ZNF462: variants seen among roughly 807,000 people sequenced by gnomAD.
ZNF462 encodes the protein zinc finger PBX1-interacting protein.
ZNF462 carries 10 observed loss-of-function variants against 201.9 expected under a neutral mutation model. That is an observed-to-expected ratio of 0.05 (90% CI 0.03 to 0.08). The LOEUF (loss-of-function observed/expected upper bound fraction) is 0.08, where lower values mean the gene tolerates loss of function less well. ZNF462 is among the 10% of genes least tolerant of loss of function. The pLI is 1.00. For missense variants in ZNF462, 2,523 were observed against 3,168.3 expected (o/e 0.80, Z 4.89); for synonymous variants, 1,227 against 1,193.3 (o/e 1.03, Z -0.58).
intron 7 of ZNF462, among the ~76,000 whole-genome samples, chr9:106,945,831 T>C (rs960899882): frequency 1.4e-4 from 21 of 152,226 alleles, no homozygotes; most frequent in African/African-American, 4.8e-4. Context: ...TCTTCTGTTA[T>C]TACCTGGAAA....
Position 106,930,657 on chromosome 9 carries a change from G to A in ZNF462, c.5980G>A (p.Gly1994Ser). 6.2e-7 allele frequency: 1 copy of A among 1,614,152 alleles called. No homozygotes were observed. Among genetic ancestry groups the A allele is most frequent in the Non-Finnish European group, 8.5e-7 (1 of 1,180,028 alleles). The change falls in exon 4 of 13, where the codon GGC becomes AGC. Residue 1994 changes from glycine to serine, a missense_variant. Gly to Ser is a moderately conservative substitution (Grantham distance 56). Transcript: ENST00000277225. The surrounding 1 kb of genome is among the most constrained non-coding windows in gnomAD (Gnocchi z 5.8). The part of the protein sequence containing the change: ...CNHLRKHVQY[G>S]NVPAVSAAVK... Reference sequence around the variant, plus strand: ...TCACCTCCGAAAGCACGTCCAGTATGGCAATGTCCCAGCTGTGTCAGCTGC... The same window carrying A: ...TCACCTCCGAAAGCACGTCCAGTATAGCAATGTCCCAGCTGTGTCAGCTGC...
chr9:106,987,877 A>AT lies in ZNF462; in HGVS notation c.7056+3469dup, dbSNP rs1827970880. Reference sequence around the variant, plus strand: ...TGAGGATCCAGTTTCATTCTCCTACATGTGGCTAGCCAATTATCCCAGCAC... The same window carrying AT: ...TGAGGATCCAGTTTCATTCTCCTACATTGTGGCTAGCCAATTATCCCAGCAC... On this transcript the variant is annotated intron_variant, in intron 10 of 12. Transcript: ENST00000277225. Among the ~76,000 whole-genome samples the AT allele has an allele frequency of 2.6e-5, 4 of 152,228 alleles. No individual in the cohort carries two copies. In the South Asian group the frequency reaches 8.3e-4, roughly 32 times the overall value.
Position 107,010,696 on chromosome 9 carries a change from A to G in ZNF462, c.7314-127A>G, listed in dbSNP as rs142370181. ...GTCATACACCCATGGCATTTGTTCA[A>G]AGGAAACCCCAAGGCTTTTTGAGGA... On this transcript the variant is annotated intron_variant, in intron 12 of 12. Transcript: ENST00000277225. This position sits in a 1 kb window ranked among gnomAD's most constrained non-coding sequence, Gnocchi z 4.6. 889 of 926,794 alleles carry G rather than the reference A, an allele frequency of 9.6e-4. 10 individuals carry two copies. In the Admixed American group the frequency reaches 0.024, roughly 25 times the overall value. 57.4% of individuals were successfully genotyped at this position (926,794 alleles called of 1,614,324 possible). A position where few individuals can be genotyped will look rare whatever the true frequency, so the allele number is the denominator to read the frequency against.
chr9:106,899,793 CT>C (rs1828977470), intron 1 of ZNF462, among the ~76,000 whole-genome samples: 2 of 151,980 alleles, frequency 1.3e-5, no homozygotes, highest in African/African-American at 4.8e-5. Flanking sequence ...GCTTAAATTC[CT>C]TTAGGAGGAG....
chr9:106,998,304 A>G (rs1308093580), intron 10 of ZNF462, among the ~76,000 whole-genome samples: 2 of 152,188 alleles, frequency 1.3e-5, no homozygotes, highest in Non-Finnish European at 2.9e-5. Flanking sequence ...TCTGAAGACA[A>G]GGGTTCCAGT....
At chr9:106,987,302 C>T (rs559607864) in intron 10 of ZNF462, among the ~76,000 whole-genome samples, 5 of 152,194 alleles carry the variant, frequency 3.3e-5, no homozygotes, top group South Asian at 4.1e-4. Context: ...GTTCGCTCTT[C>T]GTTGCATCCA....
In ZNF462 at chr9:106,927,204, T is replaced by TCGC; in HGVS notation, c.3293_3294insGCC (p.Pro1102dup). On this transcript the variant is annotated inframe_insertion, in exon 3 of 13. Coordinates refer to ENST00000277225, the MANE Select transcript of ZNF462 (RefSeq NM_021224.6). ...GTCTCCCAAAATGTCCAACATGGGT[T>TCGC]CCCCACCCCCCCCACAACCCCCGCC... The TCGC allele has an allele frequency of 2.5e-6, 4 of 1,570,528 alleles. No homozygotes were observed. The highest frequency in any genetic ancestry group is 3.5e-6 in the Non-Finnish European group (4 of 1,149,896).
chr9:106,926,717 G>A lies in ZNF462; in HGVS notation c.2805G>A (p.Pro935=), dbSNP rs375810195. The part of the protein sequence containing the change: ...YRCRFCSYTS[P]NVRSLMPHYQ... The stretch of plus-strand genomic sequence containing the variant: ...GTCGGTTTTGTTCATACACGAGCCC[G>A]AATGTTAGAAGCCTGATGCCACATT... The change falls in exon 3 of 13, where the codon CCG becomes CCA. Residue 935 remains proline (P), a synonymous_variant. Coordinates refer to ENST00000277225, the MANE Select transcript of ZNF462 (RefSeq NM_021224.6). This position sits in a 1 kb window ranked among gnomAD's most constrained non-coding sequence, Gnocchi z 7.9. 43 of 1,613,938 alleles carry A rather than the reference G, an allele frequency of 2.7e-5. No individual in the cohort carries two copies. Among genetic ancestry groups the A allele is most frequent in the African/African-American group, 1.3e-4 (10 of 74,880 alleles).
At chr9:106,975,598 G>T (rs988122542) in intron 9 of ZNF462, 2 of 152,250 alleles carry the variant, frequency 1.3e-5, no homozygotes, top group Non-Finnish European at 2.9e-5. Context: ...TTCTTGGCCC[G>T]AGTGGTCCCG....
chr9:106,932,692 A>G lies in ZNF462; in HGVS notation c.6116+143A>G. 9.7e-7 allele frequency: 1 copy of G among 1,034,072 alleles called. No homozygotes were observed. The highest frequency in any genetic ancestry group is 1.4e-6 in the Non-Finnish European group (1 of 712,882). The allele number at this position is 1,034,072 out of a possible 1,614,324, so 64.1% of individuals were successfully genotyped here. On this transcript the variant is annotated intron_variant, in intron 5 of 12. Coordinates refer to ENST00000277225, the MANE Select transcript of ZNF462 (RefSeq NM_021224.6). This position sits in a 1 kb window ranked among gnomAD's most constrained non-coding sequence, Gnocchi z 6.8. ...TGCTATGTTACCTGGAGCCTCAGTC[A>G]CCTTTTCTGTAAAATGGGGCTGAGA...
chr9:106,910,437 T>G (rs1241445842), intron 1 of ZNF462, among the ~76,000 whole-genome samples: 2 of 145,410 alleles, frequency 1.4e-5, no homozygotes, highest in African/African-American at 2.5e-5. Flanking sequence ...TTCTTGGCCC[T>G]CAAAAAATGA....
Position 106,967,720 on chromosome 9 carries a change from G to A in ZNF462, c.6428-4285G>A, listed in dbSNP as rs1317917172. Among the ~76,000 whole-genome samples, 4 of 152,266 alleles carry A rather than the reference G, an allele frequency of 2.6e-5. No individual in the cohort carries two copies. In the East Asian group the frequency reaches 7.7e-4, roughly 29 times the overall value. Reference sequence around the variant, plus strand: ...TTATTATTTGAGGACAATTTATCAAGCATCTAACTAAAGCATGACATTTAG... The same window carrying A: ...TTATTATTTGAGGACAATTTATCAAACATCTAACTAAAGCATGACATTTAG... On this transcript the variant is annotated intron_variant, in intron 7 of 12. Coordinates refer to ENST00000277225, the MANE Select transcript of ZNF462 (RefSeq NM_021224.6).
chr9:106,924,039 T>C lies in ZNF462; in HGVS notation c.221-94T>C, dbSNP rs114164223. On this transcript the variant is annotated intron_variant, in intron 2 of 12. Coordinates refer to ENST00000277225, the MANE Select transcript of ZNF462 (RefSeq NM_021224.6). This position sits in a 1 kb window ranked among gnomAD's most constrained non-coding sequence, Gnocchi z 6.2. ...CTTCAGGCCTTTTGCATGTGATGTT[T>C]AGTAATGAAGAATAATTGGAATGGT... 1,288 of 1,074,494 alleles carry C rather than the reference T, an allele frequency of 1.2e-3. 12 individuals carry two copies. The African/African-American group carries it at 0.017, about 14-fold the overall frequency. The allele number at this position is 1,074,494 out of a possible 1,614,324, so 66.6% of individuals were successfully genotyped here.
intron 10 of ZNF462, among the ~76,000 whole-genome samples, chr9:106,998,001 A>C (rs75854749): frequency 0.018 from 2,725 of 152,332 alleles, 79 homozygotes; most frequent in African/African-American, 0.062. Flanking sequence ...ACAGCAGTTG[A>C]ATAGTTGTAA....
In ZNF462 at chr9:106,931,357, G is replaced by A. The variant is rs184890059; in HGVS notation, c.6012+668G>A. ...TGTCAGTAACCAAGCCACCATCCCC[G>A]TCTTCCAGGATATTGCTAAGCCCTA... On this transcript the variant is annotated intron_variant, in intron 4 of 12. Transcript: ENST00000277225. Among the ~76,000 whole-genome samples, 6 of 152,176 alleles carry A rather than the reference G, an allele frequency of 3.9e-5. No homozygotes were observed. The South Asian group carries it at 6.2e-4, about 16-fold the overall frequency.
chr9:106,879,777 C>G (rs755423109), intron 1 of ZNF462, among the ~76,000 whole-genome samples: 1 of 152,074 alleles, frequency 6.6e-6, no homozygotes, highest in Non-Finnish European at 1.5e-5. Flanking sequence ...TTGTCTAGTT[C>G]CCCTGGAAAG....
chr9:106,893,570 G>A (rs573942293), intron 1 of ZNF462, among the ~76,000 whole-genome samples: 1 of 152,072 alleles, frequency 6.6e-6, no homozygotes, highest in Non-Finnish European at 1.5e-5. Flanking sequence ...TGTCTTAACC[G>A]CACTCGAAGC....
intron 1 of ZNF462, among the ~76,000 whole-genome samples, chr9:106,881,105 G>A (rs548966390): frequency 5.3e-5 from 8 of 152,302 alleles, no homozygotes; most frequent in Admixed American, 4.6e-4. Flanking sequence ...CAGTTGGCAG[G>A]AGGACCTGCT....
intron 1 of ZNF462, among the ~76,000 whole-genome samples, chr9:106,884,001 A>G (rs1828211659): frequency 6.6e-6 from 1 of 152,224 alleles, no homozygotes; most frequent in South Asian, 2.1e-4. Context: ...AAGTGTGTAT[A>G]TATGGTGGGG....
Sources: allele counts gnomAD v4.1 joint callset (sites outside exome capture counted in the v4.1 genomes callset), GRCh38; gene constraint gnomAD v4.1.1; non-coding constraint Gnocchi (gnomAD v3.1); transcripts MANE v1.5; gene names NCBI Gene and HGNC (gene_info 2026-07-23, HGNC 2026-07-21).